KIAA1328: variants seen among roughly 807,000 people sequenced by gnomAD.
KIAA1328 encodes KIAA1328, also known as protein hinderin.
In KIAA1328, 52 loss-of-function variants were observed where a neutral mutation model predicts 68.1. The observed-to-expected ratio is 0.76, with a 90% CI of 0.61 to 0.96. The LOEUF is 0.96. Ranked by LOEUF, KIAA1328 falls within the 40% of genes least tolerant of loss-of-function variation. KIAA1328 has a pLI of 0.00. For synonymous variants in KIAA1328, 232 were observed against 239.4 expected, an observed-to-expected ratio of 0.97 and a Z score of 0.28; for missense variants, 641 against 677.6, an observed-to-expected ratio of 0.95 and a Z score of 0.60.
Position 37,223,047 on chromosome 18 carries a change from A to AGGGGGGGGGCCCCC in KIAA1328, c.*820_*821insGGGGGGGGGCCCCC. ...ATTTACCCAAGTGTTCAGCTTATTC[A>AGGGGGGGGGCCCCC]CCCCACCCCCCCACCCCCCATCACA... On this transcript the variant is annotated 3_prime_UTR_variant, in exon 10 of 10. Coordinates refer to ENST00000280020, the MANE Select transcript of KIAA1328 (RefSeq NM_020776.3). The AGGGGGGGGGCCCCC allele has an allele frequency of 2.3e-6, 1 of 430,306 alleles. No homozygotes were observed. Among genetic ancestry groups the AGGGGGGGGGCCCCC allele is most frequent in the Non-Finnish European group, 2.9e-6 (1 of 349,452 alleles). The allele number at this position is 430,306 out of a possible 1,614,324, so 26.7% of individuals were successfully genotyped here.
intron 7 of KIAA1328, among the ~76,000 whole-genome samples, chr18:37,069,871 A>T (rs1255843131): frequency 1.3e-5 from 2 of 151,634 alleles, no homozygotes; most frequent in Admixed American, 1.3e-4. Flanking sequence ...CTTGCTTTAA[A>T]TTTACTTTGC....
rs1483215189 is a variant in KIAA1328, at chr18:37,067,644, TC to T, written c.1232+101del. The T allele has an allele frequency of 6.3e-6, 8 of 1,260,196 alleles. No individual in the cohort carries two copies. The Admixed American group carries it at 8.8e-5, about 14-fold the overall frequency. The allele number at this position is 1,260,196 out of a possible 1,614,324, so 78.1% of individuals were successfully genotyped here. On this transcript the variant is annotated intron_variant, in intron 7 of 9. Transcript: ENST00000280020. ...GGCACAATCTCAGCTCACTGCAGCC[TC>T]CGCCTCCCGAGTTCAAGCAGTTCTC...
intron 6 of KIAA1328, among the ~76,000 whole-genome samples, chr18:37,018,337 T>A (rs2054224557): frequency 6.6e-6 from 1 of 152,218 alleles, no homozygotes; most frequent in African/African-American, 2.4e-5. Context: ...AGCCCACTGT[T>A]AGCCTGATGA....
chr18:36,912,766 A>G lies in KIAA1328; in HGVS notation c.448+27094A>G, dbSNP rs557941831. Among the ~76,000 whole-genome samples, 3 of 152,288 alleles carry G rather than the reference A, an allele frequency of 2.0e-5. No homozygotes were observed. The East Asian group carries it at 5.8e-4, about 29-fold the overall frequency. The stretch of plus-strand genomic sequence containing the variant: ...AAAAGTTTCGAACCGTATGAACTCA[A>G]TCATCTAGATTAGGCATGGGTGAGA... On this transcript the variant is annotated intron_variant, in intron 5 of 9. Coordinates refer to ENST00000280020, the MANE Select transcript of KIAA1328 (RefSeq NM_020776.3).
intron 6 of KIAA1328, among the ~76,000 whole-genome samples, chr18:37,016,099 G>C (rs1388206038): frequency 6.6e-6 from 1 of 152,232 alleles, no homozygotes; most frequent in Non-Finnish European, 1.5e-5. Context: ...AATGCTTCCG[G>C]TTTTTGCCTG....
chr18:36,883,565 C>T (rs376479704), intron 4 of KIAA1328, among the ~76,000 whole-genome samples: 129 of 152,314 alleles, frequency 8.5e-4, no homozygotes, highest in African/African-American at 2.8e-3. Context: ...TTATTCCATG[C>T]TCTGTAAAGA....
chr18:36,853,822 A>G (rs917407347), intron 4 of KIAA1328, among the ~76,000 whole-genome samples: 3 of 151,834 alleles, frequency 2.0e-5, no homozygotes, highest in Non-Finnish European at 2.9e-5. Context: ...AGCCCAGCTA[A>G]TTTTTTTGTA....
At chr18:37,127,744 G>A (rs1235083845) in intron 7 of KIAA1328, among the ~76,000 whole-genome samples, 2 of 152,104 alleles carry the variant, frequency 1.3e-5, no homozygotes, top group Admixed American at 6.5e-5. Flanking sequence ...TAAAATTTAT[G>A]TGGAAATACA....
chr18:36,927,634 TC>T (rs1438975811), intron 5 of KIAA1328, among the ~76,000 whole-genome samples: 1 of 152,106 alleles, frequency 6.6e-6, no homozygotes, highest in Non-Finnish European at 1.5e-5. Flanking sequence ...GTGCCTGTAG[TC>T]CCAGCTATTT....
At chr18:37,182,399 G>A (rs993048247) in intron 9 of KIAA1328, among the ~76,000 whole-genome samples, 5 of 152,270 alleles carry the variant, frequency 3.3e-5, no homozygotes, top group African/African-American at 1.2e-4. Flanking sequence ...TTGAATGCTA[G>A]CTATGTGGCT....
intron 5 of KIAA1328, among the ~76,000 whole-genome samples, chr18:36,891,792 A>G (rs1185089817): frequency 1.3e-5 from 2 of 152,168 alleles, no homozygotes; most frequent in Admixed American, 1.3e-4. Flanking sequence ...TCCTTTTCAT[A>G]TAATGGCTTG....
intron 5 of KIAA1328, among the ~76,000 whole-genome samples, chr18:36,919,079 G>C (rs1374332823): frequency 6.6e-6 from 1 of 151,976 alleles, no homozygotes; most frequent in Non-Finnish European, 1.5e-5. Flanking sequence ...GTTGCATTAA[G>C]GTACTTGATA....
intron 7 of KIAA1328, among the ~76,000 whole-genome samples, chr18:37,100,327 C>G (rs1175608031): frequency 6.6e-6 from 1 of 152,204 alleles, no homozygotes; most frequent in African/African-American, 2.4e-5. Flanking sequence ...CACCCTAATA[C>G]TGCACTTTTC....
chr18:37,167,025 C>T (rs978569575), intron 8 of KIAA1328, among the ~76,000 whole-genome samples: 2 of 152,110 alleles, frequency 1.3e-5, no homozygotes, highest in Non-Finnish European at 2.9e-5. Context: ...TCAGACTCTT[C>T]CAAAAAATGT....
intron 6 of KIAA1328, among the ~76,000 whole-genome samples, chr18:36,998,333 G>A (rs1346057445): frequency 1.3e-5 from 2 of 152,136 alleles, no homozygotes; most frequent in East Asian, 3.9e-4. Context: ...GCCCATTTCA[G>A]TCACCACCAA....
In KIAA1328 at chr18:37,067,281, T is replaced by C; in HGVS notation, c.968T>C (p.Met323Thr). 6.2e-7 allele frequency: 1 copy of C among 1,614,016 alleles called. No homozygotes were observed. Among genetic ancestry groups the C allele is most frequent in the Non-Finnish European group, 8.5e-7 (1 of 1,179,882 alleles). ...DRVHDSHPTNMTPQHPKTHPE... is the reference protein window; with the variant it reads ...DRVHDSHPTNTTPQHPKTHPE... ...GTTCATGACAGCCATCCTACAAACA[T>C]GACCCCTCAACATCCTAAGACACAT... Residue 323 changes from methionine to threonine, a missense_variant, in exon 7 of 10, where the codon ATG becomes ACG. By Grantham distance (81) the Met-to-Thr change is moderately conservative. Coordinates refer to ENST00000280020, the MANE Select transcript of KIAA1328 (RefSeq NM_020776.3).
Position 36,935,408 on chromosome 18 carries a change from T to C in KIAA1328, c.449-23900T>C, listed in dbSNP as rs562885958. ...TAAGCCTTTCAGCTTATGTCTTAAG[T>C]AACAAGGGCATTTTCCCCTGTCTGG... On this transcript the variant is annotated intron_variant, in intron 5 of 9. Transcript: ENST00000280020. Among the ~76,000 whole-genome samples the C allele has an allele frequency of 2.6e-5, 4 of 152,346 alleles. No individual in the cohort carries two copies. The East Asian group carries it at 7.7e-4, about 29-fold the overall frequency.
chr18:37,000,634 CATATCA>C (rs2053554422), intron 6 of KIAA1328, among the ~76,000 whole-genome samples: 1 of 274 alleles, frequency 3.6e-3, no homozygotes, highest in Non-Finnish European at 6.9e-3. Flanking sequence ...GAAATGAAAT[CATATCA>C]AGTATCTTCT....
chr18:36,841,878 A>G (rs1012116288), intron 3 of KIAA1328, among the ~76,000 whole-genome samples: 1 of 151,918 alleles, frequency 6.6e-6, no homozygotes, highest in African/African-American at 2.4e-5. Flanking sequence ...ATCCATTTGT[A>G]TTGTGTGATT....
Sources: gnomAD v4.1 joint callset for allele counts (sites outside exome capture counted in the v4.1 genomes callset) on GRCh38, gnomAD v4.1.1 for gene constraint, MANE v1.5 for transcripts, NCBI Gene and HGNC (gene_info 2026-07-23, HGNC 2026-07-21) for gene names.